GLI3: variants seen among roughly 807,000 people sequenced by gnomAD.
The protein encoded by GLI3 is GLI family zinc finger 3, also known as transcription activator GLI3.
In GLI3, 20 loss-of-function variants were observed where a neutral mutation model predicts 100.8. That is an observed-to-expected ratio of 0.20 (90% CI 0.14 to 0.29). GLI3 has a LOEUF of 0.29. GLI3 is among the 10% of genes least tolerant of loss of function. GLI3 has a pLI of 1.00. For missense variants in GLI3, 2,040 were observed against 2,128.5 expected (o/e 0.96, Z 0.82); for synonymous variants, 938 against 860.5 (o/e 1.09, Z -1.58).
intron 3 of GLI3, among the ~76,000 whole-genome samples, chr7:42,077,947 A>G (rs1048668484): frequency 1.3e-5 from 2 of 152,232 alleles, no homozygotes; most frequent in African/African-American, 4.8e-5. Flanking sequence ...CACACTGGTC[A>G]TGCTGGGAGC....
chr7:42,256,674 C>A (rs1170621171), intron 1 of GLI3, among the ~76,000 whole-genome samples: 2 of 152,078 alleles, frequency 1.3e-5, no homozygotes, highest in South Asian at 2.1e-4. Context: ...TACTGTATTT[C>A]TTACTGTGGC....
At chr7:42,183,040 G>A (rs901703923) in intron 2 of GLI3, among the ~76,000 whole-genome samples, 8 of 151,964 alleles carry the variant, frequency 5.3e-5, no homozygotes, top group Non-Finnish European at 1.0e-4. Context: ...GGTCAACGTG[G>A]TGAAACCCCG....
At chr7:42,099,570 G>A (rs1785414619) in intron 3 of GLI3, among the ~76,000 whole-genome samples, 1 of 152,034 alleles carries the variant, frequency 6.6e-6, no homozygotes, top group African/African-American at 2.4e-5. Context: ...TAGAGACAGG[G>A]TCTCACTCTG....
chr7:42,110,545 A>C (rs1325897448), intron 3 of GLI3, among the ~76,000 whole-genome samples: 2 of 152,204 alleles, frequency 1.3e-5, no homozygotes, highest in Non-Finnish European at 2.9e-5. Context: ...GTGTGAAGAG[A>C]AAGCCATAAT....
chr7:42,182,658 A>ATATATACATGTGTG (rs1554337022), intron 2 of GLI3, among the ~76,000 whole-genome samples: 666 of 56,000 alleles, frequency 0.012, 61 homozygotes, highest in African/African-American at 0.063. Context: ...ATATATATAT[A>ATATATACATGTGTG]TATATATATA....
At chr7:42,065,148 CTTT>C in intron 4 of GLI3, among the ~76,000 whole-genome samples, 1 of 149,258 alleles carries the variant, frequency 6.7e-6, no homozygotes, top group Middle Eastern at 3.6e-3. Flanking sequence ...TTTTGGTCCT[CTTT>C]TTTATTATTT....
chr7:42,166,582 A>G (rs1583615146), intron 2 of GLI3, among the ~76,000 whole-genome samples: 2 of 151,628 alleles, frequency 1.3e-5, no homozygotes, highest in Admixed American at 1.3e-4. Context: ...TGGAGGGACA[A>G]CAAACAGAGG....
chr7:42,247,798 T>G (rs1457642082), intron 1 of GLI3, among the ~76,000 whole-genome samples: 2 of 152,230 alleles, frequency 1.3e-5, no homozygotes, highest in Non-Finnish European at 2.9e-5. Flanking sequence ...GCCCTAGCTC[T>G]GGCTCCTTGT....
chr7:42,198,305 G>A (rs942835236), intron 2 of GLI3, among the ~76,000 whole-genome samples: 2 of 152,206 alleles, frequency 1.3e-5, no homozygotes, highest in African/African-American at 4.8e-5. Flanking sequence ...GAAGGGAAAT[G>A]TGACGGGAAG....
intron 4 of GLI3, among the ~76,000 whole-genome samples, chr7:42,063,623 TA>T (rs1167790808): frequency 6.6e-6 from 1 of 152,174 alleles, no homozygotes; most frequent in Non-Finnish European, 1.5e-5. Flanking sequence ...TCAGAGATGT[TA>T]AAAGATGGAA....
intron 2 of GLI3, among the ~76,000 whole-genome samples, chr7:42,157,494 T>TA (rs1283030615): frequency 2.0e-5 from 3 of 152,224 alleles, no homozygotes; most frequent in African/African-American, 7.2e-5. Context: ...TTCACTCACT[T>TA]AGCCACCAGG....
rs1787022981 is a variant in GLI3 at position 41,961,923 on chromosome 7, A to C, written c.*2407T>G. On this transcript the variant is annotated 3_prime_UTR_variant, in exon 15 of 15. Coordinates refer to ENST00000395925, the MANE Select transcript of GLI3 (RefSeq NM_000168.6). ...TGAGAGAAGCCAAACATTGAGCTGA[A>C]ACTTGCATCTCCTGCAAATCTAAAA... 1 of 152,222 alleles carries C rather than the reference A, an allele frequency of 6.6e-6. No individual in the cohort carries two copies. The highest frequency in any genetic ancestry group is 2.4e-5 in the African/African-American group (1 of 41,442). 9.4% of individuals were successfully genotyped at this position (152,222 alleles called of 1,614,324 possible).
At chr7:42,262,623 G>A (rs2128712172) in intron 1 of GLI3, among the ~76,000 whole-genome samples, 1 of 152,238 alleles carries the variant, frequency 6.6e-6, no homozygotes, top group East Asian at 1.9e-4. Context: ...TCTCTCACTG[G>A]TTCAGCATGT....
At chr7:42,254,155 G>A (rs899192040) in intron 1 of GLI3, among the ~76,000 whole-genome samples, 1 of 150,516 alleles carries the variant, frequency 6.6e-6, no homozygotes, top group Non-Finnish European at 1.5e-5. Flanking sequence ...GGAGGTGGAG[G>A]TTGCAGTGAG....
Position 41,963,947 on chromosome 7 carries a change from C to A in GLI3, c.*383G>T. 5.2e-6 allele frequency: 1 copy of A among 191,408 alleles called. No homozygotes were observed. Among genetic ancestry groups the A allele is most frequent in the South Asian group, 9.9e-5 (1 of 10,100 alleles). 11.9% of individuals were successfully genotyped at this position (191,408 alleles called of 1,614,324 possible). A position where few individuals can be genotyped will look rare whatever the true frequency, so the allele number is the denominator to read the frequency against. On this transcript the variant is annotated 3_prime_UTR_variant, in exon 15 of 15. Coordinates refer to ENST00000395925, the MANE Select transcript of GLI3 (RefSeq NM_000168.6). ...GTCACAAGCACACCAACTCCTATTTCCTTTGAGCAACAGCAAAACATGTCA... is the reference window on the plus strand; with the variant it reads ...GTCACAAGCACACCAACTCCTATTTACTTTGAGCAACAGCAAAACATGTCA...
intron 3 of GLI3, among the ~76,000 whole-genome samples, chr7:42,131,729 G>A (rs771983876): frequency 2.0e-5 from 3 of 152,108 alleles, no homozygotes; most frequent in East Asian, 1.9e-4. Flanking sequence ...CATCTTACTC[G>A]TTTTGCTATG....
intron 10 of GLI3, among the ~76,000 whole-genome samples, chr7:42,002,628 C>CTGTG (rs1788337113): frequency 1.3e-5 from 2 of 152,196 alleles, no homozygotes; most frequent in Non-Finnish European, 2.9e-5. Context: ...TCATATATAT[C>CTGTG]ACATCATGAA....
chr7:42,194,698 T>C (rs1038597513), intron 2 of GLI3, among the ~76,000 whole-genome samples: 4 of 150,254 alleles, frequency 2.7e-5, no homozygotes, highest in Non-Finnish European at 5.9e-5. Flanking sequence ...CCCAGAGTCC[T>C]ACTAAGCCCT....
rs1211911628 is a variant in GLI3, at chr7:42,041,949, G to C, written c.827-1710C>G. On this transcript the variant is annotated intron_variant, in intron 6 of 14. Coordinates refer to ENST00000395925, the MANE Select transcript of GLI3 (RefSeq NM_000168.6). ...CAACTAAAACGAGTTCCTTCATTTA[G>C]AATAGTTTCATTACCAGCCTGATTT... Among the ~76,000 whole-genome samples, 10 of 150,754 alleles carry C rather than the reference G, an allele frequency of 6.6e-5. No homozygotes were observed. In the East Asian group the frequency reaches 1.4e-3, roughly 21 times the overall value.
Sources: gnomAD v4.1 joint callset for allele counts (sites outside exome capture counted in the v4.1 genomes callset) on GRCh38, gnomAD v4.1.1 for gene constraint, MANE v1.5 for transcripts, NCBI Gene and HGNC (gene_info 2026-07-23, HGNC 2026-07-21) for gene names.